PDE1C: variants seen among roughly 807,000 people sequenced by gnomAD.
The protein encoded by PDE1C is dual specificity calcium/calmodulin-dependent 3',5'-cyclic nucleotide phosphodiesterase 1C.
Under a neutral mutation model 93.1 loss-of-function variants are expected in PDE1C, and 62 were observed. The observed-to-expected ratio is 0.67, with a 90% CI of 0.54 to 0.82. PDE1C has a LOEUF of 0.82. Among genes scored for constraint, PDE1C ranks in the 40% least tolerant of loss-of-function variants. PDE1C has a pLI of 0.00. For missense variants in PDE1C, 742 were observed against 884.6 expected (o/e 0.84, Z 2.04); for synonymous variants, 325 against 310.1 (o/e 1.05, Z -0.50).
intron 2 of PDE1C, among the ~76,000 whole-genome samples, chr7:31,995,752 T>A (rs1784641289): frequency 6.6e-6 from 1 of 152,106 alleles, no homozygotes; most frequent in African/African-American, 2.4e-5. Context: ...ACGGGCCAAC[T>A]GGTCTCCTAG....
At chr7:31,848,324 C>T (rs543654003) in intron 8 of PDE1C, among the ~76,000 whole-genome samples, 1 of 152,210 alleles carries the variant, frequency 6.6e-6, no homozygotes, top group South Asian at 2.1e-4. Context: ...TGACATCCAG[C>T]CTGAGAACTC....
the PDE1C span, chr7:31,642,096 G>C: frequency 1.1e-6 from 1 of 886,774 alleles, no homozygotes; most frequent in South Asian, 1.7e-5. Flanking sequence ...TGGTGTGTCA[G>C]GCACCTAGAG....
intron 1 of PDE1C, among the ~76,000 whole-genome samples, chr7:32,331,032 G>A (rs1265409292): frequency 6.6e-6 from 1 of 151,698 alleles, no homozygotes; most frequent in Admixed American, 6.6e-5. Context: ...CCCTGGGCAA[G>A]AGGCAAGACC....
At chr7:31,962,641 G>A (rs1050823381) in intron 2 of PDE1C, among the ~76,000 whole-genome samples, 5 of 152,138 alleles carry the variant, frequency 3.3e-5, no homozygotes, top group African/African-American at 1.2e-4. Flanking sequence ...GAGAGGACAT[G>A]GTTATTTTCA....
intron 2 of PDE1C, among the ~76,000 whole-genome samples, chr7:32,019,171 A>AG (rs1563202900): frequency 6.7e-6 from 1 of 149,844 alleles, no homozygotes; most frequent in Non-Finnish European, 1.5e-5. Flanking sequence ...AAAAAAAAAA[A>AG]GCAAACATGA....
Position 32,102,898 on chromosome 7 carries a change from C to T in PDE1C, c.308+66887G>A, listed in dbSNP as rs138781476. 2.2e-3 allele frequency among the ~76,000 whole-genome samples: 331 copies of T among 152,282 alleles called. 3 individuals carry two copies. The highest frequency in any genetic ancestry group is 3.4e-3 in the Middle Eastern group (1 of 294). ...TCCCTTGGCCTCGGTGGCATTGCTT[C>T]ACATAGAGAAGCCAGAATTGTGAGG... On this transcript the variant is annotated intron_variant, in intron 3 of 18. Transcript: ENST00000396193.
At chr7:31,792,882 T>A (rs560949526) in intron 16 of PDE1C, among the ~76,000 whole-genome samples, 43 of 152,192 alleles carry the variant, frequency 2.8e-4, no homozygotes, top group African/African-American at 1.0e-3. Context: ...AAAGAGTGAC[T>A]GATGAATTGA....
chr7:32,146,380 C>T (rs1212476504), intron 3 of PDE1C, among the ~76,000 whole-genome samples: 2 of 152,106 alleles, frequency 1.3e-5, no homozygotes, highest in Admixed American at 6.6e-5. Context: ...GGCAGTGCCT[C>T]GCAGAGGAGG....
intron 1 of PDE1C, among the ~76,000 whole-genome samples, chr7:32,310,867 T>A (rs1186724737): frequency 6.6e-6 from 1 of 151,748 alleles, no homozygotes; most frequent in Non-Finnish European, 1.5e-5. Context: ...GCAAACATAT[T>A]CAAAAGCTAG....
intron 1 of PDE1C, among the ~76,000 whole-genome samples, chr7:32,268,006 G>A (rs1423266733): frequency 6.6e-6 from 1 of 152,188 alleles, no homozygotes; most frequent in Non-Finnish European, 1.5e-5. Context: ...GAAAAGTCAG[G>A]CTGGCACTGC....
chr7:31,969,496 G>T (rs1196266862), intron 2 of PDE1C, among the ~76,000 whole-genome samples: 1 of 152,130 alleles, frequency 6.6e-6, no homozygotes, highest in Non-Finnish European at 1.5e-5. Flanking sequence ...GAAACAACAG[G>T]TGCTGGAGAG....
intron 2 of PDE1C, among the ~76,000 whole-genome samples, chr7:32,196,978 A>G (rs147808128): frequency 2.0e-5 from 3 of 152,308 alleles, no homozygotes; most frequent in Admixed American, 1.3e-4. Flanking sequence ...TATAGGGATG[A>G]GGAGAAATTA....
chr7:32,094,646 T>C (rs1315273531), intron 3 of PDE1C, among the ~76,000 whole-genome samples: 1 of 152,182 alleles, frequency 6.6e-6, no homozygotes, highest in African/African-American at 2.4e-5. Flanking sequence ...CTTTACTCGT[T>C]TGTGCAAGGA....
intron 16 of PDE1C, among the ~76,000 whole-genome samples, chr7:31,801,286 T>C (rs1233245121): frequency 6.6e-6 from 1 of 151,338 alleles, no homozygotes; most frequent in Non-Finnish European, 1.5e-5. Context: ...AGTGATAACA[T>C]TATTAAAAAT....
At chr7:31,840,340 A>T (rs538484085) in intron 9 of PDE1C, among the ~76,000 whole-genome samples, 1 of 152,198 alleles carries the variant, frequency 6.6e-6, no homozygotes, top group East Asian at 1.9e-4. Context: ...ATTGAGTTAT[A>T]AAAGTACCTT....
At chr7:31,755,572 C>CG (rs1794409869) in intron 17 of PDE1C, among the ~76,000 whole-genome samples, 1 of 150,848 alleles carries the variant, frequency 6.6e-6, no homozygotes, top group African/African-American at 2.4e-5. Flanking sequence ...TTGAAGTGTT[C>CG]AAAAAAAACA....
chr7:31,850,594 C>G, intron 8 of PDE1C, 47 bp downstream of exon 8: 1 of 1,248,622 alleles, frequency 8.0e-7, no homozygotes, highest in East Asian at 2.3e-5. Flanking sequence ...CTAAAACTGT[C>G]TCTCTGACCC....
intron 2 of PDE1C, among the ~76,000 whole-genome samples, chr7:31,946,527 G>A (rs1285524490): frequency 2.0e-5 from 3 of 152,154 alleles, no homozygotes; most frequent in South Asian, 2.1e-4. Flanking sequence ...AGAAGAACAT[G>A]TTCCCCATTA....
chr7:31,731,402 TGAGA>T, the PDE1C span, among the ~76,000 whole-genome samples: 2 of 150,884 alleles, frequency 1.3e-5, no homozygotes, highest in Non-Finnish European at 3.0e-5. Flanking sequence ...GCACTTTTTT[TGAGA>T]GAGAGAGAGA....
Sources: gnomAD v4.1 joint callset for allele counts (sites outside exome capture counted in the v4.1 genomes callset) on GRCh38, gnomAD v4.1.1 for gene constraint, MANE v1.5 for transcripts, NCBI Gene and HGNC (gene_info 2026-07-23, HGNC 2026-07-21) for gene names.